Variants in PDGFA observed in about 807,000 individuals in gnomAD.
The protein encoded by PDGFA is platelet-derived growth factor subunit A.
A neutral mutation model predicts 25.6 loss-of-function variants in PDGFA; 9 were observed. That is an observed-to-expected ratio of 0.35 (90% CI 0.21 to 0.61). The LOEUF is 0.61. PDGFA is among the 20% of genes least tolerant of loss of function. The pLI, the probability that PDGFA is intolerant of heterozygous loss-of-function variation, is 0.75. For missense variants in PDGFA, 242 were observed against 272.8 expected, an observed-to-expected ratio of 0.89 and a Z score of 0.79; for synonymous variants, 133 against 111.8, an observed-to-expected ratio of 1.19 and a Z score of -1.20.
At chr7:509,885 C>T (rs1256941986) in intron 4 of PDGFA, among the ~76,000 whole-genome samples, 1 of 152,202 alleles carries the variant, frequency 6.6e-6, no homozygotes, top group African/African-American at 2.4e-5. Flanking sequence ...GAAAGAGGGG[C>T]TCACCCTGGG....
intron 4 of PDGFA, among the ~76,000 whole-genome samples, chr7:502,425 G>A (rs1407759266): frequency 1.3e-5 from 2 of 152,112 alleles, no homozygotes; most frequent in Admixed American, 6.5e-5. Flanking sequence ...CCCCAGGTCC[G>A]AGGCTCTCCT....
intron 2 of PDGFA, among the ~76,000 whole-genome samples, chr7:516,004 C>G (rs1783074297): frequency 1.7e-5 from 2 of 119,392 alleles, no homozygotes; most frequent in Non-Finnish European, 3.5e-5. Context: ...TAGCACCCCC[C>G]CCCAGAAAAA....
chr7:504,424 G>A (rs548066329), intron 4 of PDGFA, among the ~76,000 whole-genome samples: 14 of 152,232 alleles, frequency 9.2e-5, no homozygotes, highest in African/African-American at 3.4e-4. Flanking sequence ...TGCCCAGGTA[G>A]TAAGTAACTA....
intron 4 of PDGFA, among the ~76,000 whole-genome samples, chr7:503,055 C>T (rs1782417791): frequency 1.3e-5 from 2 of 152,090 alleles, no homozygotes; most frequent in African/African-American, 4.8e-5. Context: ...ATTGGCTCTC[C>T]CAGCCCAAAC....
In PDGFA at chr7:501,249, G is replaced by A. The variant is rs745570126; in HGVS notation, c.454-7C>T. ...CGTATTCCACCTTGGCCACCTGCCAGAGAGAACAGAGCCCGGCCATGAATG... is the reference window on the plus strand; with the variant it reads ...CGTATTCCACCTTGGCCACCTGCCAAAGAGAACAGAGCCCGGCCATGAATG... On this transcript the variant is annotated splice_region_variant and splice_polypyrimidine_tract_variant and intron_variant, in intron 4 of 5. Coordinates refer to ENST00000402802, the Ensembl canonical transcript of PDGFA. 3.1e-6 allele frequency: 5 copies of A among 1,613,952 alleles called. No homozygotes were observed. In the East Asian group the frequency reaches 8.9e-5, roughly 29 times the overall value.
chr7:508,590 T>TAAAAAAAAAAAAAAAC (rs1275774675), intron 4 of PDGFA, among the ~76,000 whole-genome samples: 1 of 130,898 alleles, frequency 7.6e-6, no homozygotes, highest in African/African-American at 2.9e-5. Context: ...AAAAAAAAAT[T>TAAAAAAAAAAAAAAAC]CTCAGCTGAG....
chr7:499,723 C>CCCCCT (rs1554273323), intron 5 of PDGFA, among the ~76,000 whole-genome samples: 1 of 78,790 alleles, frequency 1.3e-5, no homozygotes, highest in Non-Finnish European at 2.9e-5. Context: ...TTGCCCTTCC[C>CCCCCT]CCCCCCCCCC....
upstream of PDGFA, among the ~76,000 whole-genome samples, chr7:519,748 G>C (rs1783286204): frequency 6.8e-6 from 1 of 147,198 alleles, no homozygotes; most frequent in South Asian, 2.1e-4. Flanking sequence ...GCAAGGCCGA[G>C]TCGGCGCCTC....
chr7:498,341 A>T, exon 6 of PDGFA: 1 of 534,578 alleles, frequency 1.9e-6, no homozygotes, highest in Non-Finnish European at 3.3e-6. Flanking sequence ...TCTCTTTTTG[A>T]CAAGGAAGCT....
Position 500,900 on chromosome 7 carries a change from C to T in PDGFA, c.580+216G>A, listed in dbSNP as rs769608327. ...CCTGAATCTCCTCTCCTGCCAGTGC[C>T]GCAGCTTGGGCCACCCTCCCCACCG... On this transcript the variant is annotated intron_variant, in intron 5 of 5. Transcript: ENST00000402802. The surrounding 1 kb of genome is among the most constrained non-coding windows in gnomAD (Gnocchi z 5.0). 2.2e-5 allele frequency: 35 copies of T among 1,581,496 alleles called. No individual in the cohort carries two copies. The highest frequency in any genetic ancestry group is 6.8e-5 in the East Asian group (3 of 44,070).
At chr7:510,756 G>T (rs1583151408) in intron 4 of PDGFA, 53 bp downstream of exon 4, 7 of 551,732 alleles carry the variant, frequency 1.3e-5, no homozygotes, top group Non-Finnish European at 2.1e-5. Context: ...GAGGAGGGGA[G>T]GGGAGAGGAG....
At chr7:506,705 T>C (rs1316359994) in intron 4 of PDGFA, among the ~76,000 whole-genome samples, 9 of 151,934 alleles carry the variant, frequency 5.9e-5, no homozygotes, top group African/African-American at 1.9e-4. Flanking sequence ...GAGTCGGGCG[T>C]CCAGGCACCA....
rs548752374 is a variant in PDGFA, at chr7:517,768, C to T, written c.64-278G>A. 1.3e-5 allele frequency among the ~76,000 whole-genome samples: 2 copies of T among 151,420 alleles called. No homozygotes were observed. The highest frequency in any genetic ancestry group is 2.9e-5 in the Non-Finnish European group (2 of 67,888). On this transcript the variant is annotated intron_variant, in intron 1 of 5. Coordinates refer to ENST00000402802, the Ensembl canonical transcript of PDGFA. The surrounding 1 kb of genome is among the most constrained non-coding windows in gnomAD (Gnocchi z 7.4). ...ATATTTTCAGACAAAAGCCCCCGCA[C>T]TCCGGCCCCTCCACCCGGGGTGTCA...
intron 2 of PDGFA, among the ~76,000 whole-genome samples, chr7:515,851 C>T (rs1412521969): frequency 6.6e-6 from 1 of 152,034 alleles, no homozygotes; most frequent in South Asian, 2.1e-4. Context: ...ATGCTAAAGG[C>T]GATAATGGGT....
chr7:505,925 G>A (rs139927453), intron 4 of PDGFA, among the ~76,000 whole-genome samples: 2,947 of 152,302 alleles, frequency 0.019, 73 homozygotes, highest in African/African-American at 0.051. Flanking sequence ...TGTAATCCCA[G>A]CACTTTGGGA....
intron 2 of PDGFA, among the ~76,000 whole-genome samples, chr7:516,040 G>GC (rs1299066097): frequency 0.32 from 10,557 of 33,454 alleles, 1,132 homozygotes; most frequent in Middle Eastern, 0.46. Context: ...CCAGGAAGCA[G>GC]CCCCCCCCCC....
intron 2 of PDGFA, chr7:512,755 A>C: frequency 9.5e-7 from 1 of 1,051,504 alleles, no homozygotes; most frequent in Non-Finnish European, 1.3e-6. Flanking sequence ...AAGAGGTTGC[A>C]GGTGGTCTCC....
chr7:515,118 C>T (rs1783030425), intron 2 of PDGFA, among the ~76,000 whole-genome samples: 1 of 152,210 alleles, frequency 6.6e-6, no homozygotes, highest in Non-Finnish European at 1.5e-5. Context: ...TCCTCAAAGC[C>T]TCTTTTCTGC....
intron 3 of PDGFA, among the ~76,000 whole-genome samples, chr7:511,919 C>T (rs1285574256): frequency 6.6e-6 from 1 of 152,184 alleles, no homozygotes; most frequent in South Asian, 2.1e-4. Flanking sequence ...AGCCGCCGGA[C>T]ACAGCACGCG....
Sources: allele counts gnomAD v4.1 joint callset (sites outside exome capture counted in the v4.1 genomes callset), GRCh38; gene constraint gnomAD v4.1.1; non-coding constraint Gnocchi (gnomAD v3.1); transcripts MANE v1.5; gene names NCBI Gene and HGNC (gene_info 2026-07-23, HGNC 2026-07-21).